CNGB1: variants seen among roughly 807,000 people sequenced by gnomAD.
The protein encoded by CNGB1 is cyclic nucleotide-gated channel beta-1.
In CNGB1, 126 loss-of-function variants were observed where a neutral mutation model predicts 151.7. The ratio of observed to expected loss-of-function variants is 0.83; its 90% CI spans 0.72 to 0.96. CNGB1 has a LOEUF of 0.96. Among genes scored for constraint, CNGB1 ranks in the 40% least tolerant of loss-of-function variants. The pLI is 0.00. For synonymous variants in CNGB1, 623 were observed against 635.1 expected (o/e 0.98, Z 0.29); for missense variants, 1,698 against 1,627.0 (o/e 1.04, Z -0.75).
intron 29 of CNGB1, 26 bp downstream of exon 29, chr16:57,901,326 C>T: frequency 6.2e-7 from 1 of 1,611,356 alleles, no homozygotes; most frequent in Non-Finnish European, 8.5e-7. Context: ...ACCCCAGATC[C>T]CGTGGTGGCT....
chr16:57,939,687 G>T (rs1414906158), intron 15 of CNGB1, 95 bp from the exon 16 acceptor site: 3 of 1,538,246 alleles, frequency 2.0e-6, no homozygotes, highest in Non-Finnish European at 2.7e-6. Flanking sequence ...AAGTCCACAT[G>T]GGCCCAGTTC....
chr16:57,935,597 G>A (rs1054588346), intron 16 of CNGB1, among the ~76,000 whole-genome samples: 4 of 151,682 alleles, frequency 2.6e-5, no homozygotes, highest in African/African-American at 9.7e-5. Context: ...GCAGTGAGCC[G>A]AGATGGTGCC....
chr16:57,908,802 C>G (rs551052429), intron 25 of CNGB1, among the ~76,000 whole-genome samples: 3 of 152,162 alleles, frequency 2.0e-5, no homozygotes, highest in Admixed American at 6.5e-5. Flanking sequence ...GTCAAGCCAC[C>G]GGTTGGCCTG....
Position 57,960,438 on chromosome 16 carries a change from G to A in CNGB1, c.583+44C>T, listed in dbSNP as rs374473050. Reference sequence around the variant, plus strand: ...CCCAGTTGATCCCTGAGCCCAGCCCGTGACCATCCCAGGCAGCCCCCTCCC... The same window carrying A: ...CCCAGTTGATCCCTGAGCCCAGCCCATGACCATCCCAGGCAGCCCCCTCCC... On this transcript the variant is annotated intron_variant, in intron 9 of 32. Coordinates refer to ENST00000251102, the MANE Select transcript of CNGB1 (RefSeq NM_001297.5). The A allele has an allele frequency of 7.4e-5, 118 of 1,605,344 alleles. No individual in the cohort carries two copies. In the African/African-American group the frequency reaches 1.1e-3, roughly 15 times the overall value.
In CNGB1 at chr16:57,911,902, A is replaced by G. The variant is rs757437448; in HGVS notation, c.2370-27T>C. ...TGCAGAAGGAACACAGCGCATGAAC[A>G]CAGCGGCGGAAGGGGGAGGTGAGGT... On this transcript the variant is annotated intron_variant, in intron 24 of 32. Transcript: ENST00000251102. 3.5e-5 allele frequency: 56 copies of G among 1,611,746 alleles called. No individual in the cohort carries two copies. In the Admixed American group the frequency reaches 5.5e-4, roughly 16 times the overall value.
chr16:57,890,442 C>T (rs759014599), intron 31 of CNGB1, among the ~76,000 whole-genome samples: 1 of 152,196 alleles, frequency 6.6e-6, no homozygotes, highest in Non-Finnish European at 1.5e-5. Flanking sequence ...TGAAAATGAA[C>T]TATCTTTTTC....
chr16:57,887,764 C>T (rs773346481), intron 32 of CNGB1, 91 bp downstream of exon 32: 11 of 1,272,516 alleles, frequency 8.6e-6, no homozygotes, highest in African/African-American at 1.5e-5. Flanking sequence ...GACCCTAAAA[C>T]TAAATGTGTG....
chr16:57,919,065 T>C, intron 20 of CNGB1, 34 bp downstream of exon 20: 1 of 1,614,172 alleles, frequency 6.2e-7, no homozygotes, highest in Non-Finnish European at 8.5e-7. Flanking sequence ...TCTCTCATCT[T>C]ACACAGTGGG....
Position 57,913,110 on chromosome 16 carries a change from C to T in CNGB1, c.2305-116G>A, listed in dbSNP as rs148170769. The T allele has an allele frequency of 1.6e-3, 1,485 of 902,218 alleles. 10 individuals carry two copies. Among genetic ancestry groups the T allele is most frequent in the African/African-American group, 0.016 (984 of 61,246 alleles). The allele number at this position is 902,218 out of a possible 1,614,324, so 55.9% of individuals were successfully genotyped here. ...CTGCAGCCCCCAGGAGGGAACAGGA[C>T]GGTGAGCATTCAATATCAGAAGTCC... On this transcript the variant is annotated intron_variant, in intron 23 of 32. Coordinates refer to ENST00000251102, the MANE Select transcript of CNGB1 (RefSeq NM_001297.5).
chr16:57,897,672 C>T, intron 30 of CNGB1, 124 bp downstream of exon 30: 5 of 1,532,206 alleles, frequency 3.3e-6, no homozygotes, highest in Non-Finnish European at 4.5e-6. Context: ...CGCCCCCATC[C>T]CCGCATACAT....
At chr16:57,908,251 G>A (rs1047973633) in intron 25 of CNGB1, among the ~76,000 whole-genome samples, 1 of 152,222 alleles carries the variant, frequency 6.6e-6, no homozygotes, top group Non-Finnish European at 1.5e-5. Context: ...AGAAGGCGAC[G>A]GCCATAGCCA....
chr16:57,883,826 C>T lies in CNGB1; in HGVS notation c.*338G>A, dbSNP rs527847594. The T allele has an allele frequency of 2.3e-6, 1 of 433,360 alleles. No homozygotes were observed. The highest frequency in any genetic ancestry group is 2.4e-5 in the South Asian group (1 of 41,234). The allele number at this position is 433,360 out of a possible 1,614,324, so 26.8% of individuals were successfully genotyped here. A position where few individuals can be genotyped will look rare whatever the true frequency, so the allele number is the denominator to read the frequency against. On this transcript the variant is annotated 3_prime_UTR_variant, in exon 33 of 33. Coordinates refer to ENST00000251102, the MANE Select transcript of CNGB1 (RefSeq NM_001297.5). ...AGCAAAGCTTCCCATGTATTGGAGC[C>T]TCATTTTATCCCTCACCCATGAACT...
At chr16:57,887,718 C>T in intron 32 of CNGB1, 137 bp downstream of exon 32, 1 of 856,562 alleles carries the variant, frequency 1.2e-6, no homozygotes, top group Non-Finnish European at 1.9e-6. Context: ...CACTGGTAAC[C>T]AAATGAGCCC....
intron 31 of CNGB1, among the ~76,000 whole-genome samples, chr16:57,894,730 A>C (rs1960178192): frequency 6.6e-6 from 1 of 152,242 alleles, no homozygotes; most frequent in African/African-American, 2.4e-5. Context: ...CAATGGGGAC[A>C]GGGAGAGTTG....
chr16:57,970,838 T>C (rs899178200), intron 1 of CNGB1, among the ~76,000 whole-genome samples: 1 of 152,004 alleles, frequency 6.6e-6, no homozygotes, highest in African/African-American at 2.4e-5. Context: ...AGTGAAAATA[T>C]AGATTCCTAG....
intron 2 of CNGB1, among the ~76,000 whole-genome samples, chr16:57,965,850 C>T (rs1962383686): frequency 6.6e-6 from 1 of 152,328 alleles, no homozygotes; most frequent in Admixed American, 6.5e-5. Context: ...TGTACATATA[C>T]ATGTTCACAT....
intron 19 of CNGB1, among the ~76,000 whole-genome samples, chr16:57,920,067 T>A (rs1423502562): frequency 6.6e-6 from 1 of 152,028 alleles, no homozygotes; most frequent in African/African-American, 2.4e-5. Context: ...ACAATCTGAG[T>A]GTAAGACCAT....
chr16:57,930,281 G>A (rs898404781), intron 17 of CNGB1, among the ~76,000 whole-genome samples: 2 of 152,140 alleles, frequency 1.3e-5, no homozygotes, highest in Middle Eastern at 3.4e-3. Context: ...TGGATTGCTC[G>A]AGCTCAGGAG....
rs1294309695 is a variant in CNGB1, at chr16:57,913,100, G to A, written c.2305-106C>T. 8 of 1,028,048 alleles carry A rather than the reference G, an allele frequency of 7.8e-6. No homozygotes were observed. In the African/African-American group the frequency reaches 1.3e-4, roughly 16 times the overall value. 63.7% of individuals were successfully genotyped at this position (1,028,048 alleles called of 1,614,324 possible). On this transcript the variant is annotated intron_variant, in intron 23 of 32. Coordinates refer to ENST00000251102, the MANE Select transcript of CNGB1 (RefSeq NM_001297.5). ...AGGGCTCTTCCTGCAGCCCCCAGGA[G>A]GGAACAGGACGGTGAGCATTCAATA...
Sources: allele counts gnomAD v4.1 joint callset (sites outside exome capture counted in the v4.1 genomes callset), GRCh38; gene constraint gnomAD v4.1.1; transcripts MANE v1.5; gene names NCBI Gene and HGNC (gene_info 2026-07-23, HGNC 2026-07-21).